The following FRAS1 variants were observed in gnomAD, a reference collection of about 807,000 sequenced individuals.
FRAS1 encodes extracellular matrix organizing protein FRAS1.
FRAS1 carries 290 observed loss-of-function variants against 435.2 expected under a neutral mutation model. The observed-to-expected ratio is 0.67, with a 90% confidence interval of 0.61 to 0.73. FRAS1 has a LOEUF of 0.73. Ranked by LOEUF, FRAS1 falls within the 30% of genes least tolerant of loss-of-function variation. FRAS1 has a pLI of 0.00. For missense variants in FRAS1, 4,860 were observed against 5,001.5 expected (o/e 0.97, Z 0.85); for synonymous variants, 1,800 against 1,851.0 (o/e 0.97, Z 0.71).
At chr4:78,509,441 C>A (rs1720961943) in intron 63 of FRAS1, among the ~76,000 whole-genome samples, 1 of 151,542 alleles carries the variant, frequency 6.6e-6, no homozygotes, top group Admixed American at 6.6e-5. Context: ...CACATAACTC[C>A]TTATGGACAT....
chr4:78,327,705 A>C (rs563705127), intron 18 of FRAS1, among the ~76,000 whole-genome samples: 1 of 152,332 alleles, frequency 6.6e-6, no homozygotes, highest in African/African-American at 2.4e-5. Flanking sequence ...TCTTTCAGAT[A>C]TCTCCCATAT....
chr4:78,289,266 A>T (rs2066056135), intron 14 of FRAS1, among the ~76,000 whole-genome samples: 1 of 144,910 alleles, frequency 6.9e-6, no homozygotes, highest in Non-Finnish European at 1.5e-5. Context: ...TCTTGAGTTT[A>T]GGGGTATATG....
At position 78,400,804 on chromosome 4, in the gene FRAS1, C is replaced by G. The variant is rs780810692; in HGVS notation, c.4046C>G (p.Thr1349Ser). 6.2e-7 allele frequency: 1 copy of G among 1,613,688 alleles called. No individual in the cohort carries two copies. The highest frequency in any genetic ancestry group is 1.7e-5 in the Admixed American group (1 of 59,976). ...WVPEGGMLQI[T>S]NRILQAEAPG... The stretch of plus-strand genomic sequence containing the variant: ...CCAGAAGGGGGGATGCTGCAGATCA[C>G]CAACAGAATCTTACAGGCCGAGGCT... The change falls in exon 30 of 74, where the codon ACC becomes AGC. Residue 1349 changes from threonine (T) to serine (S), a missense_variant. Physicochemically the swap from Thr to Ser is moderately conservative, Grantham distance 58. Transcript: ENST00000512123.
intron 2 of FRAS1, among the ~76,000 whole-genome samples, chr4:78,114,672 T>C (rs1477724776): frequency 6.6e-6 from 1 of 152,230 alleles, no homozygotes; most frequent in African/African-American, 2.4e-5. Flanking sequence ...TTTTGCACAT[T>C]GATTTTGTAT....
rs538978583 is a variant in FRAS1 at position 78,330,132 on chromosome 4, C to T, written c.2138-3140C>T. ...AGAAGAACGTGGATTGTGAAGATTT[C>T]ATGGACATTTATTAGTTCCCCAAAT... On this transcript the variant is annotated intron_variant, in intron 18 of 73. Transcript: ENST00000512123. Among the ~76,000 whole-genome samples the T allele has an allele frequency of 2.6e-5, 4 of 152,296 alleles. No homozygotes were observed. The East Asian group carries it at 7.7e-4, about 29-fold the overall frequency.
chr4:78,260,872 A>T (rs1726059083), intron 6 of FRAS1, among the ~76,000 whole-genome samples: 1 of 152,200 alleles, frequency 6.6e-6, no homozygotes, highest in Non-Finnish European at 1.5e-5. Context: ...AACGTCTTTC[A>T]GAATATTTCT....
At chr4:78,370,116 T>A (rs1411995510) in intron 23 of FRAS1, 132 bp downstream of exon 23, 1 of 736,936 alleles carries the variant, frequency 1.4e-6, no homozygotes, top group Admixed American at 2.9e-5. Flanking sequence ...TAGCAACAAT[T>A]GTGTGTGTAT....
intron 51 of FRAS1, among the ~76,000 whole-genome samples, chr4:78,470,986 C>A (rs1434901831): frequency 6.6e-6 from 1 of 152,118 alleles, no homozygotes; most frequent in African/African-American, 2.4e-5. Context: ...CAGGCAGAGG[C>A]TCAGCTAAAA....
At chr4:78,400,122 T>C (rs76315837) in intron 29 of FRAS1, among the ~76,000 whole-genome samples, 6,745 of 152,270 alleles carry the variant, frequency 0.044, 517 homozygotes, top group African/African-American at 0.15. Context: ...GGGCCCTCTG[T>C]CTGGAATATG....
intron 29 of FRAS1, among the ~76,000 whole-genome samples, chr4:78,389,721 T>C (rs748943854): frequency 6.6e-6 from 1 of 152,228 alleles, no homozygotes; most frequent in Non-Finnish European, 1.5e-5. Flanking sequence ...TTTCCTATTG[T>C]GGCTTCCATC....
chr4:78,296,101 T>C (rs1560634043), intron 14 of FRAS1, among the ~76,000 whole-genome samples: 2 of 151,714 alleles, frequency 1.3e-5, no homozygotes, highest in Non-Finnish European at 2.9e-5. Flanking sequence ...AAGCAGTGTT[T>C]CTAGGATGCA....
intron 2 of FRAS1, among the ~76,000 whole-genome samples, chr4:78,152,275 G>A (rs1308376974): frequency 1.3e-5 from 2 of 152,074 alleles, no homozygotes; most frequent in African/African-American, 4.8e-5. Context: ...AGAAAGGCAG[G>A]GTGTGTCTTA....
intron 14 of FRAS1, among the ~76,000 whole-genome samples, chr4:78,298,523 T>G (rs944450815): frequency 6.6e-6 from 1 of 151,494 alleles, no homozygotes; most frequent in Non-Finnish European, 1.5e-5. Flanking sequence ...ATGTCTTTTG[T>G]GTAATATATA....
At chr4:78,306,461 C>A (rs1467235922) in intron 14 of FRAS1, among the ~76,000 whole-genome samples, 6 of 91,736 alleles carry the variant, frequency 6.5e-5, no homozygotes, top group African/African-American at 2.6e-4. Context: ...AGAGTGTTTT[C>A]CAACTTGGTT....
In FRAS1 at chr4:78,379,759, G is replaced by C. The variant is rs932524873; in HGVS notation, c.3326G>C (p.Gly1109Ala). Residue 1109 changes from glycine to alanine, a missense_variant, in exon 27 of 74, where the codon GGT becomes GCT. By Grantham distance (60) the Gly-to-Ala change is moderately conservative. Transcript: ENST00000512123. ...KIHTPSLHVN[G>A]SLILPIGSIK... ...CACACCCCTAGTCTTCATGTGAATG[G>C]TTCCCTGATCCTCCCAATTGGTTCA... is the stretch of plus-strand genomic sequence containing the variant. 1 of 1,613,554 alleles carries C rather than the reference G, an allele frequency of 6.2e-7. No individual in the cohort carries two copies. Among genetic ancestry groups the C allele is most frequent in the African/African-American group, 1.3e-5 (1 of 74,968 alleles).
intron 2 of FRAS1, among the ~76,000 whole-genome samples, chr4:78,226,926 T>C (rs1270076544): frequency 6.6e-6 from 1 of 152,234 alleles, no homozygotes; most frequent in African/African-American, 2.4e-5. Context: ...ACTTATATTC[T>C]TGTTTTCTTT....
intron 10 of FRAS1, 73 bp downstream of exon 10, chr4:78,278,817 T>C: frequency 1.1e-6 from 1 of 900,846 alleles, no homozygotes. Context: ...AACATTACCT[T>C]CTTGTTTCTT....
At position 78,196,095 on chromosome 4, in the gene FRAS1, C is replaced by T. The variant is rs370292892; in HGVS notation, c.109-41415C>T. On this transcript the variant is annotated intron_variant, in intron 2 of 73. Transcript: ENST00000512123. ...AGATCTCGGCTCATTGCAAGCTCCGCCTCCCGGGTTCATGCCATTCTCCTG... is the reference window on the plus strand; with the variant it reads ...AGATCTCGGCTCATTGCAAGCTCCGTCTCCCGGGTTCATGCCATTCTCCTG... 9.7e-4 allele frequency among the ~76,000 whole-genome samples: 147 copies of T among 152,168 alleles called. 1 individual carries two copies. The highest frequency in any genetic ancestry group is 3.5e-3 in the African/African-American group (145 of 41,512).
intron 70 of FRAS1, among the ~76,000 whole-genome samples, chr4:78,532,848 GTA>G (rs59211891): frequency 0.44 from 67,279 of 151,818 alleles, 15,470 homozygotes; most frequent in East Asian, 0.79. Flanking sequence ...TTAATTGTGT[GTA>G]TATATACACC....
Sources: allele counts gnomAD v4.1 joint callset (sites outside exome capture counted in the v4.1 genomes callset), GRCh38; gene constraint gnomAD v4.1.1; transcripts MANE v1.5; gene names NCBI Gene and HGNC (gene_info 2026-07-23, HGNC 2026-07-21).